Variants in MAGI2 observed in about 807,000 individuals in gnomAD.
The protein encoded by MAGI2 is membrane-associated guanylate kinase, WW and PDZ domain-containing protein 2.
In MAGI2, 35 loss-of-function variants were observed where a neutral mutation model predicts 133.3. The observed-to-expected ratio is 0.26, with a 90% CI of 0.20 to 0.35. The LOEUF is 0.35. Among genes scored for constraint, MAGI2 ranks in the 10% least tolerant of loss-of-function variants. The pLI is 1.00. For synonymous variants in MAGI2, 729 were observed against 710.6 expected, an observed-to-expected ratio of 1.03 and a Z score of -0.41; for missense variants, 1,636 against 1,863.4, an observed-to-expected ratio of 0.88 and a Z score of 2.25.
chr7:78,240,456 C>G (rs1241166387), intron 10 of MAGI2, among the ~76,000 whole-genome samples: 1 of 151,950 alleles, frequency 6.6e-6, no homozygotes, highest in African/African-American at 2.4e-5. Flanking sequence ...TGGTATTCAG[C>G]CATAAAAAAG....
intron 2 of MAGI2, among the ~76,000 whole-genome samples, chr7:78,732,691 A>C (rs1004754111): frequency 2.0e-5 from 3 of 152,152 alleles, no homozygotes; most frequent in African/African-American, 7.2e-5. Flanking sequence ...TTTTGGGAAA[A>C]GTACAATGAA....
intron 1 of MAGI2, among the ~76,000 whole-genome samples, chr7:79,093,828 C>T (rs974208564): frequency 6.6e-6 from 1 of 151,564 alleles, no homozygotes; most frequent in African/African-American, 2.4e-5. Flanking sequence ...GATTCTCCCA[C>T]CTCAGCTTCC....
chr7:79,372,128 T>C (rs748747696), intron 1 of MAGI2, among the ~76,000 whole-genome samples: 3 of 152,120 alleles, frequency 2.0e-5, no homozygotes, highest in Non-Finnish European at 4.4e-5. Context: ...ACTTAATCTA[T>C]AGTGCTTTCT....
chr7:79,125,399 G>A, intron 1 of MAGI2: 1 of 489,302 alleles, frequency 2.0e-6, no homozygotes, highest in East Asian at 5.2e-5. Context: ...GGAAACCTCA[G>A]GGGTCATGGT....
intron 6 of MAGI2, among the ~76,000 whole-genome samples, chr7:78,475,287 G>C (rs766506366): frequency 2.0e-5 from 3 of 151,916 alleles, no homozygotes; most frequent in Non-Finnish European, 2.9e-5. Context: ...GCAGCATCTT[G>C]AATGCAAACA....
At chr7:78,741,922 A>G (rs1028996730) in intron 2 of MAGI2, among the ~76,000 whole-genome samples, 1 of 151,988 alleles carries the variant, frequency 6.6e-6, no homozygotes, top group African/African-American at 2.4e-5. Context: ...AATGCCTTAA[A>G]TTATAAGTTA....
intron 2 of MAGI2, among the ~76,000 whole-genome samples, chr7:78,648,984 C>A (rs1471934064): frequency 3.3e-5 from 5 of 151,938 alleles, no homozygotes; most frequent in African/African-American, 1.2e-4. Context: ...AGTTCTGAAG[C>A]CCATACCCTT....
intron 16 of MAGI2, among the ~76,000 whole-genome samples, chr7:78,152,455 GGAC>G (rs1563187678): frequency 2.0e-5 from 3 of 152,250 alleles, no homozygotes. Context: ...TGGTACAGGA[GGAC>G]TGGATTGTAT....
chr7:79,057,227 G>A (rs965008378), intron 1 of MAGI2, among the ~76,000 whole-genome samples: 8 of 152,068 alleles, frequency 5.3e-5, no homozygotes, highest in Non-Finnish European at 1.2e-4. Context: ...AGATGACATG[G>A]CTCAACCTTT....
intron 2 of MAGI2, among the ~76,000 whole-genome samples, chr7:78,858,945 G>A (rs914347115): frequency 8.5e-5 from 13 of 152,100 alleles, no homozygotes; most frequent in African/African-American, 3.1e-4. Context: ...TATATATTTA[G>A]GATAGTTAGC....
At position 78,419,425 on chromosome 7, in the gene MAGI2, A is replaced by G. The variant is rs62468774; in HGVS notation, c.1046-50212T>C. 3.0e-3 allele frequency among the ~76,000 whole-genome samples: 449 copies of G among 152,024 alleles called. 1 individual carries two copies. Among genetic ancestry groups the G allele is most frequent in the African/African-American group, 0.01 (427 of 41,500 alleles). ...TGTGTGTGTGTGTGTAAGGAGACACAGGACTAATAAGGACAATGAAGACTG... is the reference window on the plus strand; with the variant it reads ...TGTGTGTGTGTGTGTAAGGAGACACGGGACTAATAAGGACAATGAAGACTG... On this transcript the variant is annotated intron_variant, in intron 6 of 21. Transcript: ENST00000354212.
At chr7:79,144,625 T>C (rs1284888649) in intron 1 of MAGI2, among the ~76,000 whole-genome samples, 2 of 152,200 alleles carry the variant, frequency 1.3e-5, no homozygotes, top group East Asian at 3.8e-4. Flanking sequence ...AATGGACTAA[T>C]ATAAGCACTT....
intron 10 of MAGI2, among the ~76,000 whole-genome samples, chr7:78,206,284 C>A (rs954397725): frequency 7.2e-6 from 1 of 139,638 alleles, no homozygotes; most frequent in Non-Finnish European, 1.5e-5. Flanking sequence ...TTTCTTTTTC[C>A]TTTTCCTTTC....
At chr7:79,379,490 C>G (rs1318372183) in intron 1 of MAGI2, among the ~76,000 whole-genome samples, 1 of 151,884 alleles carries the variant, frequency 6.6e-6, no homozygotes, top group Non-Finnish European at 1.5e-5. Context: ...AATAGGATGC[C>G]TGGGTCAAAT....
At position 78,595,876 on chromosome 7, in the gene MAGI2, A is replaced by G. The variant is rs529990139; in HGVS notation, c.538+31244T>C. ...AGTAGAGGGAGAGGTCAGAGAATTT[A>G]TTTGTTCCTAGAGTTTTTCCAATAC... is the stretch of plus-strand genomic sequence containing the variant. On this transcript the variant is annotated intron_variant, in intron 3 of 21. Transcript: ENST00000354212. 2.5e-3 allele frequency among the ~76,000 whole-genome samples: 377 copies of G among 152,178 alleles called. 5 individuals carry two copies. Among genetic ancestry groups the G allele is most frequent in the African/African-American group, 8.6e-3 (358 of 41,526 alleles).
At chr7:78,931,998 C>CAAA (rs72358342) in intron 2 of MAGI2, among the ~76,000 whole-genome samples, 5 of 79,104 alleles carry the variant, frequency 6.3e-5, no homozygotes, top group African/African-American at 1.3e-4. Context: ...AAAAGGAAGG[C>CAAA]AAAAAAAAAA....
intron 20 of MAGI2, among the ~76,000 whole-genome samples, chr7:78,103,698 G>T (rs2151251390): frequency 6.6e-6 from 1 of 152,338 alleles, no homozygotes; most frequent in East Asian, 1.9e-4. Flanking sequence ...GCATATTCTA[G>T]AAATGTTTAT....
intron 1 of MAGI2, among the ~76,000 whole-genome samples, chr7:79,018,006 C>T (rs933421883): frequency 2.6e-5 from 4 of 152,090 alleles, no homozygotes; most frequent in African/African-American, 9.7e-5. Flanking sequence ...ACTTGGAAAA[C>T]ATATTTCAGA....
chr7:78,573,290 A>AT lies in MAGI2; in HGVS notation c.539-51646_539-51645insA, dbSNP rs1491233181. Among the ~76,000 whole-genome samples the AT allele has an allele frequency of 2.3e-4, 14 of 62,034 alleles. 1 individual carries two copies. In the South Asian group the frequency reaches 2.5e-3, roughly 11 times the overall value. 40.7% of individuals were successfully genotyped at this position (62,034 alleles called of 152,430 possible). On this transcript the variant is annotated intron_variant, in intron 3 of 21. Transcript: ENST00000354212. ...TATATATAAATATATATATTTATAT[A>AT]AATATATATATTTATATATATAAAT...
Sources: gnomAD v4.1 joint callset for allele counts (sites outside exome capture counted in the v4.1 genomes callset) on GRCh38, gnomAD v4.1.1 for gene constraint, MANE v1.5 for transcripts, NCBI Gene and HGNC (gene_info 2026-07-23, HGNC 2026-07-21) for gene names.